The following HERC6 variants were observed in gnomAD, a reference collection of about 807,000 sequenced individuals.
The protein encoded by HERC6 is HECT and RLD domain containing E3 ubiquitin protein ligase family member 6, also known as probable E3 ubiquitin-protein ligase HERC6.
HERC6 carries 101 observed loss-of-function variants against 114.5 expected under a neutral mutation model. The observed-to-expected ratio is 0.88, with a 90% CI of 0.75 to 1.04. The LOEUF (loss-of-function observed/expected upper bound fraction) is 1.04. Ranked by LOEUF, HERC6 falls within the 50% of genes least tolerant of loss-of-function variation. HERC6 has a pLI of 0.00. For missense variants in HERC6, 1,133 were observed against 1,230.9 expected (o/e 0.92, Z 1.19); for synonymous variants, 408 against 436.2 (o/e 0.94, Z 0.81).
rs981107123 is a variant in HERC6, at chr4:88,440,046, C to G, written c.2728C>G (p.Gln910Glu). Residue 910 changes from glutamine to glutamate, a missense_variant, in exon 21 of 23, where the codon CAG (glutamine) becomes GAG (glutamate). Coordinates refer to ENST00000264346, the MANE Select transcript of HERC6 (RefSeq NM_017912.4). ...IIGNTDYDWKQFEQNSKYEQG... is the reference protein window; with the variant it reads ...IIGNTDYDWKEFEQNSKYEQG... ...TGGAAATACTGATTATGACTGGAAA[C>G]AGTTTGAACAGGTAGGTGATACCTA... The G allele has an allele frequency of 1.2e-6, 2 of 1,610,126 alleles. No individual in the cohort carries two copies. The highest frequency in any genetic ancestry group is 1.3e-5 in the African/African-American group (1 of 74,634).
At chr4:88,389,673 C>A (rs1271379732) in intron 3 of HERC6, among the ~76,000 whole-genome samples, 1 of 151,732 alleles carries the variant, frequency 6.6e-6, no homozygotes, top group African/African-American at 2.4e-5. Flanking sequence ...TGACCTGGAC[C>A]GCCCCGCTTG....
In HERC6 at chr4:88,435,909, T is replaced by C; in HGVS notation, c.2417+18T>C. 1 of 1,586,422 alleles carries C rather than the reference T, an allele frequency of 6.3e-7. No individual in the cohort carries two copies. The highest frequency in any genetic ancestry group is 8.6e-7 in the Non-Finnish European group (1 of 1,166,312). On this transcript the variant is annotated intron_variant, in intron 18 of 22. Coordinates refer to ENST00000264346, the MANE Select transcript of HERC6 (RefSeq NM_017912.4). The stretch of plus-strand genomic sequence containing the variant: ...TTGGGGAAGTAAGTAAATATAACGT[T>C]TTTTCAGGACCGTATCTAGTAAGTC...
At chr4:88,421,763 C>T (rs766488339) in intron 13 of HERC6, among the ~76,000 whole-genome samples, 6 of 152,092 alleles carry the variant, frequency 3.9e-5, no homozygotes, top group South Asian at 2.1e-4. Flanking sequence ...CACATTCTTG[C>T]CAACACTTGT....
At position 88,423,983 on chromosome 4, in the gene HERC6, A is replaced by T; in HGVS notation, c.1827+10A>T. The T allele has an allele frequency of 3.3e-6, 4 of 1,220,008 alleles. No homozygotes were observed. The highest frequency in any genetic ancestry group is 4.7e-6 in the Non-Finnish European group (4 of 857,818). 75.6% of individuals were successfully genotyped at this position (1,220,008 alleles called of 1,614,324 possible). A position where few individuals can be genotyped will look rare whatever the true frequency, so the allele number is the denominator to read the frequency against. On this transcript the variant is annotated intron_variant, in intron 14 of 22. Coordinates refer to ENST00000264346, the MANE Select transcript of HERC6 (RefSeq NM_017912.4). ...TCGGGATAACCACCTGGTAAGAATAACATTTTTACTTCTGAAAATGTTCAT... is the reference window on the plus strand; with the variant it reads ...TCGGGATAACCACCTGGTAAGAATATCATTTTTACTTCTGAAAATGTTCAT...
rs72412919 is a variant in HERC6, at chr4:88,379,744, TATATAAC to T, written c.199+631_199+637del. Among the ~76,000 whole-genome samples the T allele has an allele frequency of 4.7e-4, 40 of 85,064 alleles. 1 individual carries two copies. Among genetic ancestry groups the T allele is most frequent in the African/African-American group, 1.3e-3 (26 of 19,736 alleles). The allele number at this position is 85,064 out of a possible 152,430, so 55.8% of individuals were successfully genotyped here. A position where few individuals can be genotyped will look rare whatever the true frequency, so the allele number is the denominator to read the frequency against. On this transcript the variant is annotated intron_variant, in intron 1 of 22. Coordinates refer to ENST00000264346, the MANE Select transcript of HERC6 (RefSeq NM_017912.4). ...TATATATAATATATAAATATATAAA[TATATAAC>T]ATATAAATATATATAATATATAAAT... is the stretch of plus-strand genomic sequence containing the variant.
intron 3 of HERC6, among the ~76,000 whole-genome samples, chr4:88,386,626 A>G (rs1345540615): frequency 6.6e-6 from 1 of 152,228 alleles, no homozygotes; most frequent in Admixed American, 6.5e-5. Flanking sequence ...TTGGGCTTCA[A>G]GGGATAATAA....
intron 4 of HERC6, among the ~76,000 whole-genome samples, chr4:88,391,900 A>G: frequency 6.6e-6 from 1 of 151,486 alleles, no homozygotes; most frequent in African/African-American, 2.4e-5. Context: ...CCATTTCAGC[A>G]TTAGCTAAGT....
chr4:88,379,323 C>T (rs972429707), intron 1 of HERC6, among the ~76,000 whole-genome samples: 1 of 151,954 alleles, frequency 6.6e-6, no homozygotes, highest in Non-Finnish European at 1.5e-5. Context: ...CCTCGGGGCC[C>T]GAAGAGCCAC....
chr4:88,396,195 T>A, intron 6 of HERC6, 53 bp downstream of exon 6: 1 of 1,392,564 alleles, frequency 7.2e-7, no homozygotes, highest in Non-Finnish European at 9.5e-7. Context: ...AGTGTTATAT[T>A]TTATTACTTA....
At chr4:88,419,192 C>T (rs927915861) in intron 13 of HERC6, among the ~76,000 whole-genome samples, 1 of 152,112 alleles carries the variant, frequency 6.6e-6, no homozygotes, top group Non-Finnish European at 1.5e-5. Flanking sequence ...TTTGCTAAAT[C>T]CCACTGTAGA....
At position 88,390,698 on chromosome 4, in the gene HERC6, C is replaced by T. The variant is rs370284709; in HGVS notation, c.483C>T (p.Gly161=). ...SWGKNSHGQL[G]LGKEFPSQAS... ...GAAAGAACAGCCATGGGCAGCTGGGCTTGGGGAAGGAGTTCCCCTCCCAAG... is the reference window on the plus strand; with the variant it reads ...GAAAGAACAGCCATGGGCAGCTGGGTTTGGGGAAGGAGTTCCCCTCCCAAG... The change falls in exon 4 of 23, where the codon GGC becomes GGT. Residue 161 remains glycine (G), a synonymous_variant. Coordinates refer to ENST00000264346, the MANE Select transcript of HERC6 (RefSeq NM_017912.4). 3.1e-6 allele frequency: 5 copies of T among 1,613,632 alleles called. No individual in the cohort carries two copies. The highest frequency in any genetic ancestry group is 4.2e-6 in the Non-Finnish European group (5 of 1,179,658).
chr4:88,405,575 A>G lies in HERC6; in HGVS notation c.1236A>G (p.Ser412=). ...MAKSEIRMIF[S]SPACLTASFL... is the part of the protein sequence containing the mutation. ...ACAGTGAAATTAGAATGATATTTTC[A>G]TCTCCTGCTTGTCTGACTGCAAGTT... Residue 412 remains serine (S), a synonymous_variant, in exon 10 of 23, where the codon TCA becomes TCG. Transcript: ENST00000264346. The G allele has an allele frequency of 6.5e-7, 1 of 1,537,502 alleles. No homozygotes were observed. Among genetic ancestry groups the G allele is most frequent in the Non-Finnish European group, 8.8e-7 (1 of 1,132,092 alleles).
intron 3 of HERC6, among the ~76,000 whole-genome samples, chr4:88,389,727 G>C (rs1023292703): frequency 6.6e-6 from 1 of 151,980 alleles, no homozygotes; most frequent in Non-Finnish European, 1.5e-5. Flanking sequence ...CTTCATCTCT[G>C]TTTTACCTTT....
At chr4:88,400,768 G>T (rs963712883) in intron 8 of HERC6, among the ~76,000 whole-genome samples, 1 of 152,026 alleles carries the variant, frequency 6.6e-6, no homozygotes, top group Admixed American at 6.6e-5. Flanking sequence ...TGTTATAATT[G>T]TTTCATTTTG....
Position 88,439,862 on chromosome 4 carries a change from GC to G in HERC6, c.2556-11del. 9.5e-6 allele frequency: 5 copies of G among 527,782 alleles called. No individual in the cohort carries two copies. The highest frequency in any genetic ancestry group is 6.9e-5 in the South Asian group (1 of 14,590). The allele number at this position is 527,782 out of a possible 1,614,324, so 32.7% of individuals were successfully genotyped here. ...CCTTTCTTTTTTTTTTTTTTTTTTT[GC>G]TTCCCTCAAGGAGAGACTATGTTTC... On this transcript the variant is annotated splice_polypyrimidine_tract_variant and intron_variant, in intron 20 of 22. Transcript: ENST00000264346.
chr4:88,406,663 C>A (rs930532436), intron 10 of HERC6, among the ~76,000 whole-genome samples: 4 of 152,176 alleles, frequency 2.6e-5, no homozygotes, highest in Non-Finnish European at 5.9e-5. Flanking sequence ...ATTTATAATA[C>A]TTTGTTTTAG....
At chr4:88,416,859 T>C (rs1736526195) in intron 12 of HERC6, among the ~76,000 whole-genome samples, 2 of 152,286 alleles carry the variant, frequency 1.3e-5, no homozygotes, top group Admixed American at 1.3e-4. Flanking sequence ...GATAATGTAT[T>C]TTAACATCAA....
chr4:88,392,441 C>T (rs565655703), intron 4 of HERC6, among the ~76,000 whole-genome samples: 3 of 152,058 alleles, frequency 2.0e-5, no homozygotes, highest in Non-Finnish European at 4.4e-5. Flanking sequence ...CCACCCGCCT[C>T]AACCTCCCAA....
chr4:88,432,044 A>G (rs1738269428), intron 17 of HERC6, among the ~76,000 whole-genome samples: 1 of 152,224 alleles, frequency 6.6e-6, no homozygotes, highest in African/African-American at 2.4e-5. Context: ...GCATCCTGTA[A>G]TCTGAAAATC....
Sources: gnomAD v4.1 joint callset for allele counts (sites outside exome capture counted in the v4.1 genomes callset) on GRCh38, gnomAD v4.1.1 for gene constraint, MANE v1.5 for transcripts, NCBI Gene and HGNC (gene_info 2026-07-23, HGNC 2026-07-21) for gene names.